The following RIPOR3 variants were observed in gnomAD, a reference collection of about 807,000 sequenced individuals.
RIPOR3 encodes family with sequence similarity 65 member C.
RIPOR3 carries 95 observed loss-of-function variants against 114.3 expected under a neutral mutation model. That is an observed-to-expected ratio of 0.83 (90% CI 0.70 to 0.99). The LOEUF is 0.99. Ranked by LOEUF, RIPOR3 falls within the 50% of genes least tolerant of loss-of-function variation. RIPOR3 has a pLI of 0.00. For synonymous variants in RIPOR3, 575 were observed against 543.8 expected, an observed-to-expected ratio of 1.06 and a Z score of -0.80; for missense variants, 1,252 against 1,266.9, an observed-to-expected ratio of 0.99 and a Z score of 0.18.
chr20:50,690,711 C>T (rs1291825720), intron 1 of RIPOR3, among the ~76,000 whole-genome samples: 1 of 152,128 alleles, frequency 6.6e-6, no homozygotes, highest in Non-Finnish European at 1.5e-5. Context: ...CACTTCACTT[C>T]GCCCAGCTGC....
intron 1 of RIPOR3, among the ~76,000 whole-genome samples, chr20:50,688,962 G>A (rs1600790597): frequency 2.6e-5 from 4 of 152,068 alleles, no homozygotes; most frequent in South Asian, 2.1e-4. Flanking sequence ...TAGCACAAAC[G>A]CTGAGCCACA....
chr20:50,645,338 A>G (rs886981800), intron 1 of RIPOR3: 5 of 152,228 alleles, frequency 3.3e-5, no homozygotes, highest in African/African-American at 7.2e-5. Context: ...ATGTCATAGG[A>G]CAGAGCCTGT....
chr20:50,599,107 G>A (rs575134334), intron 13 of RIPOR3, among the ~76,000 whole-genome samples: 75 of 152,054 alleles, frequency 4.9e-4, no homozygotes, highest in African/African-American at 1.7e-3. Context: ...AATAGCTATT[G>A]TTGGCTGGGT....
rs115847562 is a variant in RIPOR3, at chr20:50,601,798, C to G, written c.1659+274G>C. On this transcript the variant is annotated intron_variant, in intron 13 of 21. Transcript: ENST00000327979. ...GCCACAAGCCACAGCCCCGCCCACC[C>G]AGGTCAGAAGGTGCGAGATGGGGCC... 4.9e-3 allele frequency among the ~76,000 whole-genome samples: 741 copies of G among 152,330 alleles called. 14 individuals carry two copies. The highest frequency in any genetic ancestry group is 0.016 in the African/African-American group (681 of 41,578).
intron 17 of RIPOR3, among the ~76,000 whole-genome samples, chr20:50,593,465 G>A (rs2083179923): frequency 6.6e-6 from 1 of 152,166 alleles, no homozygotes; most frequent in African/African-American, 2.4e-5. Context: ...CAGCAACTCT[G>A]GAGGCTGAGG....
chr20:50,586,665 A>G lies in RIPOR3; in HGVS notation c.*567T>C, dbSNP rs1181051725. The G allele has an allele frequency of 6.5e-6, 1 of 154,574 alleles. No homozygotes were observed. Among genetic ancestry groups the G allele is most frequent in the East Asian group, 1.9e-4 (1 of 5,230 alleles). 9.6% of individuals were successfully genotyped at this position (154,574 alleles called of 1,614,324 possible). A position where few individuals can be genotyped will look rare whatever the true frequency, so the allele number is the denominator to read the frequency against. The stretch of plus-strand genomic sequence containing the variant: ...CTCGCAGCAAGTCAGTCGGGCTGAG[A>G]GTGTGGTTGTAGAAACCCTGGCTTT... On this transcript the variant is annotated 3_prime_UTR_variant, in exon 22 of 22. Transcript: ENST00000327979.
At chr20:50,624,362 G>A (rs541156437) in intron 2 of RIPOR3, among the ~76,000 whole-genome samples, 1 of 152,292 alleles carries the variant, frequency 6.6e-6, no homozygotes, top group African/African-American at 2.4e-5. Flanking sequence ...AGTGGGGCAG[G>A]AGCTCGCTCA....
Position 50,595,576 on chromosome 20 carries a change from T to C in RIPOR3, c.1915-72A>G, listed in dbSNP as rs1259200098. 3 of 1,574,392 alleles carry C rather than the reference T, an allele frequency of 1.9e-6. No individual in the cohort carries two copies. The African/African-American group carries it at 4.0e-5, about 21-fold the overall frequency. ...CGAGGTCAGCTGTTACGGCTGTGGC[T>C]CCCACCTGCTTGTGCCCATCTCTTC... On this transcript the variant is annotated intron_variant, in intron 15 of 21. Transcript: ENST00000327979.
rs1462331591 is a variant in RIPOR3, at chr20:50,670,490, T to C, written c.3+20636A>G. On this transcript the variant is annotated intron_variant, in intron 1 of 21. Transcript: ENST00000327979. The stretch of plus-strand genomic sequence containing the variant: ...CAGATTAAATTAAATCTAGTTCTTT[T>C]TCCTTGTTGCCCTATGAGTAGGCTT... 2.6e-5 allele frequency among the ~76,000 whole-genome samples: 4 copies of C among 152,056 alleles called. No individual in the cohort carries two copies. The East Asian group carries it at 7.7e-4, about 29-fold the overall frequency.
chr20:50,638,272 TC>T (rs2085060327), intron 1 of RIPOR3, among the ~76,000 whole-genome samples: 1 of 152,142 alleles, frequency 6.6e-6, no homozygotes, highest in South Asian at 2.1e-4. Flanking sequence ...AGCCCCAGTG[TC>T]CCCTGCGCTC....
At chr20:50,653,017 G>T (rs901780812) in intron 1 of RIPOR3, among the ~76,000 whole-genome samples, 6 of 152,176 alleles carry the variant, frequency 3.9e-5, no homozygotes, top group Non-Finnish European at 7.3e-5. Context: ...GACATTCAGA[G>T]CAGCATTACT....
intron 17 of RIPOR3, among the ~76,000 whole-genome samples, 194 bp downstream of exon 17, chr20:50,594,359 C>A (rs947744662): frequency 1.3e-5 from 2 of 151,948 alleles, no homozygotes; most frequent in African/African-American, 4.8e-5. Context: ...GAAGGCCCCA[C>A]GTGGAGGCCC....
chr20:50,669,553 T>C (rs1402394740), intron 1 of RIPOR3, among the ~76,000 whole-genome samples: 1 of 152,150 alleles, frequency 6.6e-6, no homozygotes, highest in Non-Finnish European at 1.5e-5. Flanking sequence ...GACTTTGCTA[T>C]GAGACAGTAG....
chr20:50,610,723 G>A, intron 6 of RIPOR3, 130 bp downstream of exon 6: 1 of 1,237,832 alleles, frequency 8.1e-7, no homozygotes, highest in Non-Finnish European at 1.2e-6. Context: ...TTAGCCTCCT[G>A]CAGCTGCCCC....
At chr20:50,594,812 A>G (rs1024442066) in intron 16 of RIPOR3, 98 bp from the exon 17 acceptor site, 46 of 1,394,312 alleles carry the variant, frequency 3.3e-5, no homozygotes, top group Admixed American at 4.2e-5. Flanking sequence ...GGGGGTAGGG[A>G]GGAGGGGACG....
chr20:50,609,098 A>C (rs2083850222), intron 8 of RIPOR3, 143 bp from the exon 9 acceptor site: 3 of 1,329,234 alleles, frequency 2.3e-6, no homozygotes, highest in Non-Finnish European at 3.1e-6. Context: ...ATCATGATGG[A>C]AAATGGACAG....
At chr20:50,681,604 C>T (rs902581680) in intron 1 of RIPOR3, among the ~76,000 whole-genome samples, 4 of 152,184 alleles carry the variant, frequency 2.6e-5, no homozygotes, top group African/African-American at 9.7e-5. Context: ...AAGGGCACCT[C>T]CATTTGCAGG....
intron 19 of RIPOR3, among the ~76,000 whole-genome samples, chr20:50,590,309 C>A (rs1471710419): frequency 7.2e-5 from 11 of 152,210 alleles, no homozygotes. Flanking sequence ...CTGGCACTTG[C>A]TTCATGTGTT....
At chr20:50,613,326 G>A (rs1043941709) in intron 4 of RIPOR3, among the ~76,000 whole-genome samples, 17 of 151,942 alleles carry the variant, frequency 1.1e-4, no homozygotes, top group Admixed American at 3.3e-4. Context: ...GATTGTGCGC[G>A]CCTGTAATCC....
Sources: gnomAD v4.1 joint callset for allele counts (sites outside exome capture counted in the v4.1 genomes callset) on GRCh38, gnomAD v4.1.1 for gene constraint, MANE v1.5 for transcripts, NCBI Gene and HGNC (gene_info 2026-07-23, HGNC 2026-07-21) for gene names.